The following GIGYF2 variants were observed in gnomAD, a reference collection of about 807,000 sequenced individuals.
The protein encoded by GIGYF2 is GRB10-interacting GYF protein 2.
In GIGYF2, 25 loss-of-function variants were observed where a neutral mutation model predicts 208.1. The observed-to-expected ratio is 0.12, with a 90% CI of 0.09 to 0.17. The LOEUF (loss-of-function observed/expected upper bound fraction) is 0.17. Among genes scored for constraint, GIGYF2 ranks in the 10% least tolerant of loss-of-function variants. The probability of loss-of-function intolerance (pLI) is 1.00; values close to 1 mark genes in which losing one functional copy is unlikely to be tolerated. For synonymous variants in GIGYF2, 534 were observed against 543.8 expected, an observed-to-expected ratio of 0.98 and a Z score of 0.25; for missense variants, 1,302 against 1,579.4, an observed-to-expected ratio of 0.82 and a Z score of 2.98.
At chr2:232,738,125 C>T (rs531341126) in intron 3 of GIGYF2, among the ~76,000 whole-genome samples, 1 of 152,054 alleles carries the variant, frequency 6.6e-6, no homozygotes, top group South Asian at 2.1e-4. Flanking sequence ...CCATGTTGGC[C>T]AGGCTGGTCT....
In GIGYF2 at chr2:232,806,412, C is replaced by G; in HGVS notation, c.1640-79C>G. Reference sequence around the variant, plus strand: ...TGACAGATGCCACCTCGATGAGAATCAGATGCAGGAAATATTTTTTTTCTC... The same window carrying G: ...TGACAGATGCCACCTCGATGAGAATGAGATGCAGGAAATATTTTTTTTCTC... On this transcript the variant is annotated intron_variant, in intron 14 of 28. Transcript: ENST00000373563. The surrounding 1 kb of genome is among the most constrained non-coding windows in gnomAD (Gnocchi z 4.0). 1.0e-6 allele frequency: 1 copy of G among 973,464 alleles called. No homozygotes were observed. The highest frequency in any genetic ancestry group is 1.7e-6 in the Non-Finnish European group (1 of 595,844). The allele number at this position is 973,464 out of a possible 1,614,324, so 60.3% of individuals were successfully genotyped here.
intron 2 of GIGYF2, among the ~76,000 whole-genome samples, chr2:232,720,587 TTGTTTG>T (rs1559381552): frequency 7.7e-6 from 1 of 130,272 alleles, no homozygotes; most frequent in Non-Finnish European, 1.7e-5. Flanking sequence ...ATATATATTT[TTGTTTG>T]TTTGTTTGTT....
At chr2:232,730,200 G>A (rs1697399400) in intron 2 of GIGYF2, 3 of 1,355,348 alleles carry the variant, frequency 2.2e-6, no homozygotes, top group Non-Finnish European at 2.1e-6. Flanking sequence ...GAAATCCATG[G>A]CATCAGCTGT....
intron 8 of GIGYF2, among the ~76,000 whole-genome samples, chr2:232,778,223 A>G (rs147329333): frequency 1.8e-4 from 28 of 152,342 alleles, no homozygotes; most frequent in African/African-American, 6.0e-4. Flanking sequence ...GGCATGAGCC[A>G]CTTCACCTGG....
At chr2:232,843,884 ACT>A in intron 23 of GIGYF2, 160 bp from the exon 24 acceptor site, 2 of 681,520 alleles carry the variant, frequency 2.9e-6, no homozygotes, top group South Asian at 3.4e-5. Context: ...CCTTTTTAAT[ACT>A]GTTAGCGATT....
chr2:232,814,324 AG>A (rs1319046884), intron 18 of GIGYF2, among the ~76,000 whole-genome samples: 6 of 151,988 alleles, frequency 3.9e-5, no homozygotes, highest in Admixed American at 2.6e-4. Flanking sequence ...GCACTTTGGG[AG>A]GCCGAGGTGG....
chr2:232,731,171 A>G (rs1195156333), intron 2 of GIGYF2: 1 of 152,206 alleles, frequency 6.6e-6, no homozygotes, highest in East Asian at 1.9e-4. Flanking sequence ...TGCTGCCTGT[A>G]GGAGCTCCAT....
intron 21 of GIGYF2, among the ~76,000 whole-genome samples, chr2:232,830,172 G>C (rs1032476769): frequency 1.3e-5 from 2 of 152,038 alleles, no homozygotes; most frequent in Admixed American, 6.6e-5. Flanking sequence ...TTTGGAGACA[G>C]GAGTCTCACT....
At position 232,735,186 on chromosome 2, in the gene GIGYF2, A is replaced by C; in HGVS notation, c.-12A>C. The C allele has an allele frequency of 6.3e-7, 1 of 1,590,842 alleles. No individual in the cohort carries two copies. Among genetic ancestry groups the C allele is most frequent in the Non-Finnish European group, 8.6e-7 (1 of 1,158,866 alleles). On this transcript the variant is annotated 5_prime_UTR_variant, in exon 3 of 29. Transcript: ENST00000373563. ...TCACATATAAAAATCTATTGTAAAA[A>C]TACGGAAAAGAATGGCAGCGGAAAC...
chr2:232,776,322 A>G (rs1314244287), intron 8 of GIGYF2: 6 of 700,242 alleles, frequency 8.6e-6, no homozygotes, highest in Admixed American at 4.6e-5. Flanking sequence ...ATCCTACACT[A>G]TAGATAATGT....
chr2:232,834,991 C>T (rs760396851), intron 22 of GIGYF2, among the ~76,000 whole-genome samples: 14 of 152,194 alleles, frequency 9.2e-5, no homozygotes, highest in Non-Finnish European at 2.1e-4. Context: ...AACCCTTACT[C>T]ACCTCGTATT....
At chr2:232,704,543 T>A (rs1403344862) in intron 2 of GIGYF2, among the ~76,000 whole-genome samples, 1 of 152,036 alleles carries the variant, frequency 6.6e-6, no homozygotes, top group African/African-American at 2.4e-5. Context: ...TAGCTGAGAT[T>A]ACAGGTATTC....
intron 2 of GIGYF2, among the ~76,000 whole-genome samples, chr2:232,731,783 T>C (rs1342036826): frequency 3.3e-5 from 5 of 152,202 alleles, no homozygotes; most frequent in Non-Finnish European, 7.3e-5. Flanking sequence ...ACTATAAGAT[T>C]AATCATTTTG....
intron 2 of GIGYF2, chr2:232,729,441 T>C: frequency 1.5e-6 from 1 of 673,462 alleles, no homozygotes; most frequent in Non-Finnish European, 2.2e-6. Flanking sequence ...GATAATTAAA[T>C]AACTTGGTTT....
At chr2:232,849,314 A>G (rs1367519020) in intron 27 of GIGYF2, among the ~76,000 whole-genome samples, 1 of 151,990 alleles carries the variant, frequency 6.6e-6, no homozygotes, top group African/African-American at 2.4e-5. Context: ...ACAGGCACGC[A>G]CCACCATGCC....
chr2:232,828,854 C>T (rs1701332256), intron 21 of GIGYF2: 1 of 152,242 alleles, frequency 6.6e-6, no homozygotes. Flanking sequence ...AATCCTCCTG[C>T]CTCAGCCCCC....
At chr2:232,817,674 G>A (rs2106392370) in intron 20 of GIGYF2, among the ~76,000 whole-genome samples, 1 of 152,250 alleles carries the variant, frequency 6.6e-6, no homozygotes. Context: ...TTCACTTAAG[G>A]TTTATTCATA....
In GIGYF2 at chr2:232,787,179, A is replaced by G. The variant is rs200754933; in HGVS notation, c.562A>G (p.Thr188Ala). ...ACCAAATTTTGAGGAAGGTGGACCA[A>G]CATCAGTAGGGAGAAAGCATGAATT... ...GRPNFEEGGP[T>A]SVGRKHEFIR... Residue 188 changes from threonine (T) to alanine (A), a missense_variant, in exon 9 of 29, where the codon ACA (threonine) becomes GCA (alanine). Physicochemically the swap from Thr to Ala is moderately conservative, Grantham distance 58 (BLOSUM62 0). Transcript: ENST00000373563. The G allele has an allele frequency of 1.4e-4, 228 of 1,614,090 alleles. No individual in the cohort carries two copies. Among genetic ancestry groups the G allele is most frequent in the Non-Finnish European group, 1.8e-4 (208 of 1,179,940 alleles).
intron 2 of GIGYF2, among the ~76,000 whole-genome samples, chr2:232,730,644 A>G (rs1574810808): frequency 1.4e-5 from 2 of 139,430 alleles, no homozygotes; most frequent in African/African-American, 2.7e-5. Flanking sequence ...CACGCCTGTA[A>G]TCCCAGCACT....
Sources: gnomAD v4.1 joint callset for allele counts (sites outside exome capture counted in the v4.1 genomes callset) on GRCh38, gnomAD v4.1.1 for gene constraint, Gnocchi (gnomAD v3.1) non-coding constraint, MANE v1.5 for transcripts, NCBI Gene and HGNC (gene_info 2026-07-23, HGNC 2026-07-21) for gene names.